The following TBC1D2 variants were observed in gnomAD, a reference collection of about 807,000 sequenced individuals.
TBC1D2 encodes TBC1 domain family member 2A.
In TBC1D2, 58 loss-of-function variants were observed where a neutral mutation model predicts 91.1. That is an observed-to-expected ratio of 0.64 (90% CI 0.52 to 0.79). TBC1D2 has a LOEUF of 0.79. Ranked by LOEUF, TBC1D2 falls within the 30% of genes least tolerant of loss-of-function variation. TBC1D2 has a pLI of 0.00. For synonymous variants in TBC1D2, 482 were observed against 511.5 expected (o/e 0.94, Z 0.78); for missense variants, 1,080 against 1,208.3 (o/e 0.89, Z 1.57).
intron 4 of TBC1D2, among the ~76,000 whole-genome samples, chr9:98,229,715 C>A (rs1277666923): frequency 6.6e-6 from 1 of 152,200 alleles, no homozygotes; most frequent in Non-Finnish European, 1.5e-5. Context: ...TATATTTCCC[C>A]CACAGTTGAT....
At position 98,226,624 on chromosome 9, in the gene TBC1D2, G is replaced by A. The variant is rs537070751; in HGVS notation, c.978+2328C>T. ...ACCCTGAAGACTGAAGTTCATTTGT[G>A]GAATGGGTTGGAGAGTAAACAAATC... On this transcript the variant is annotated intron_variant, in intron 5 of 12. Transcript: ENST00000465784. 1.1e-4 allele frequency among the ~76,000 whole-genome samples: 17 copies of A among 152,300 alleles called. No homozygotes were observed. In the South Asian group the frequency reaches 3.5e-3, roughly 32 times the overall value.
At chr9:98,209,207 G>C in intron 8 of TBC1D2, 63 bp from the exon 9 acceptor site, 1 of 1,512,782 alleles carries the variant, frequency 6.6e-7, no homozygotes, top group Non-Finnish European at 9.1e-7. Flanking sequence ...AGGGGTGGTG[G>C]TGACAGGGAG....
chr9:98,249,351 C>T (rs946002646), intron 2 of TBC1D2, among the ~76,000 whole-genome samples: 5 of 152,274 alleles, frequency 3.3e-5, no homozygotes, highest in South Asian at 2.1e-4. Flanking sequence ...GGAAGAGGCC[C>T]GCCGTGTGTG....
chr9:98,203,266 GT>G (rs1564231058), intron 10 of TBC1D2, 21 bp downstream of exon 10: 2 of 1,613,864 alleles, frequency 1.2e-6, no homozygotes, highest in Non-Finnish European at 1.7e-6. Flanking sequence ...TGGCTGCAAA[GT>G]CCCCTCCTGG....
chr9:98,210,624 T>C (rs771282155), intron 8 of TBC1D2, 32 bp downstream of exon 8: 11 of 1,535,212 alleles, frequency 7.2e-6, no homozygotes, highest in South Asian at 3.7e-5. Flanking sequence ...CCAGCTCACA[T>C]AGACCAGCCC....
chr9:98,222,942 TTC>T (rs200076697), intron 5 of TBC1D2, among the ~76,000 whole-genome samples: 2,607 of 152,352 alleles, frequency 0.017, 30 homozygotes, highest in Non-Finnish European at 0.026. Flanking sequence ...CTTTCTCTGG[TTC>T]TCTCTTTTCC....
chr9:98,207,186 A>G (rs1828676470), intron 9 of TBC1D2, among the ~76,000 whole-genome samples: 1 of 152,208 alleles, frequency 6.6e-6, no homozygotes, highest in Admixed American at 6.5e-5. Context: ...ATTTCACCCA[A>G]TTTTAGGCTG....
chr9:98,230,844 G>A (rs776128233), intron 4 of TBC1D2, among the ~76,000 whole-genome samples: 3 of 152,174 alleles, frequency 2.0e-5, no homozygotes, highest in Non-Finnish European at 2.9e-5. Flanking sequence ...TCATGCCAGT[G>A]CGCTTTAGCC....
chr9:98,212,668 A>AT (rs918429896), intron 7 of TBC1D2, among the ~76,000 whole-genome samples: 7 of 151,312 alleles, frequency 4.6e-5, no homozygotes, highest in African/African-American at 1.5e-4. Flanking sequence ...TGCCCGGCTA[A>AT]TTTTTTTTTG....
chr9:98,219,633 C>T (rs955574499), intron 6 of TBC1D2, among the ~76,000 whole-genome samples: 1 of 152,212 alleles, frequency 6.6e-6, no homozygotes, highest in Non-Finnish European at 1.5e-5. Context: ...GCACCTGTTA[C>T]GGTACTGAAT....
chr9:98,236,677 G>A (rs1482769413), intron 3 of TBC1D2, among the ~76,000 whole-genome samples: 1 of 152,178 alleles, frequency 6.6e-6, no homozygotes, highest in African/African-American at 2.4e-5. Context: ...GCTCATGTGG[G>A]ATATAAACAT....
intron 2 of TBC1D2, among the ~76,000 whole-genome samples, chr9:98,245,898 T>C (rs924430045): frequency 6.6e-6 from 1 of 152,204 alleles, no homozygotes; most frequent in Admixed American, 6.5e-5. Context: ...TGTGTTTAAA[T>C]AAAAGGCAGG....
At chr9:98,210,492 G>C (rs532935249) in intron 8 of TBC1D2, among the ~76,000 whole-genome samples, 164 bp downstream of exon 8, 1 of 152,362 alleles carries the variant, frequency 6.6e-6, no homozygotes, top group East Asian at 1.9e-4. Flanking sequence ...TGCCTCCTCT[G>C]AGCGTGAACC....
At chr9:98,242,600 G>A (rs1829669165) in intron 3 of TBC1D2, among the ~76,000 whole-genome samples, 1 of 152,090 alleles carries the variant, frequency 6.6e-6, no homozygotes, top group African/African-American at 2.4e-5. Flanking sequence ...AGACTGCCAA[G>A]CACAGTTCTA....
chr9:98,222,529 C>G (rs754286442), intron 5 of TBC1D2, among the ~76,000 whole-genome samples: 5 of 152,258 alleles, frequency 3.3e-5, no homozygotes, highest in Non-Finnish European at 4.4e-5. Context: ...CACAGGAACT[C>G]AAGGTCTGCT....
At chr9:98,235,333 G>A (rs1790191689) in intron 3 of TBC1D2, 1 of 419,822 alleles carries the variant, frequency 2.4e-6, no homozygotes, top group Admixed American at 2.9e-5. Context: ...TAGAGGCCTT[G>A]AGAAATGAGC....
chr9:98,207,066 G>A (rs10818610), intron 9 of TBC1D2, among the ~76,000 whole-genome samples: 65,533 of 152,046 alleles, frequency 0.43, 15,154 homozygotes, highest in African/African-American at 0.61. Context: ...TGTGGCAGAC[G>A]TTTAGTGTGG....
intron 10 of TBC1D2, among the ~76,000 whole-genome samples, chr9:98,201,944 G>A (rs1292442399): frequency 3.3e-5 from 5 of 152,186 alleles, no homozygotes; most frequent in African/African-American, 1.2e-4. Flanking sequence ...TTCTCCGCCC[G>A]CTCACCCATC....
chr9:98,200,500 GAGGCACAATGTGTGGGGATAGGCTCCA>G, intron 11 of TBC1D2, 126 bp from the exon 12 acceptor site: 1 of 723,072 alleles, frequency 1.4e-6, no homozygotes, highest in Non-Finnish European at 2.1e-6. Flanking sequence ...TTGAGGCCTG[GAGGCACAATGTGTGGGGATAGGCTCCA>G]GGGGGCTGGG....
Sources: gnomAD v4.1 joint callset for allele counts (sites outside exome capture counted in the v4.1 genomes callset) on GRCh38, gnomAD v4.1.1 for gene constraint, MANE v1.5 for transcripts, NCBI Gene and HGNC (gene_info 2026-07-23, HGNC 2026-07-21) for gene names.